ZCCHC14: variants seen among roughly 807,000 people sequenced by gnomAD.
ZCCHC14 encodes zinc finger CCHC domain-containing protein 14.
A neutral mutation model predicts 85.0 loss-of-function variants in ZCCHC14; 16 were observed. That is an observed-to-expected ratio of 0.19 (90% CI 0.13 to 0.29). The LOEUF (loss-of-function observed/expected upper bound fraction) is 0.29, where lower values mean the gene tolerates loss of function less well. Among genes scored for constraint, ZCCHC14 ranks in the 10% least tolerant of loss-of-function variants. The probability of loss-of-function intolerance (pLI) is 1.00; values close to 1 mark genes in which losing one functional copy is unlikely to be tolerated. For synonymous variants in ZCCHC14, 775 were observed against 630.7 expected, an observed-to-expected ratio of 1.23 and a Z score of -3.43; for missense variants, 1,303 against 1,443.5, an observed-to-expected ratio of 0.90 and a Z score of 1.58.
At chr16:87,463,287 T>C (rs1265404806) in intron 1 of ZCCHC14, among the ~76,000 whole-genome samples, 2 of 151,454 alleles carry the variant, frequency 1.3e-5, no homozygotes, top group African/African-American at 2.4e-5. Context: ...GAGGCTAAGG[T>C]GGGAGCATCG....
intron 8 of ZCCHC14, among the ~76,000 whole-genome samples, chr16:87,416,992 A>C (rs1450562634): frequency 6.6e-6 from 1 of 152,236 alleles, no homozygotes; most frequent in African/African-American, 2.4e-5. Context: ...TCAAGACTTA[A>C]GAAATTTCTG....
At position 87,420,348 on chromosome 16, in the gene ZCCHC14, T is replaced by C. The variant is rs765047381; in HGVS notation, c.950+259A>G. Among the ~76,000 whole-genome samples, 1 of 152,220 alleles carries C rather than the reference T, an allele frequency of 6.6e-6. No individual in the cohort carries two copies. Among genetic ancestry groups the C allele is most frequent in the Admixed American group, 6.5e-5 (1 of 15,290 alleles). On this transcript the variant is annotated intron_variant, in intron 5 of 12. Transcript: ENST00000671377. The surrounding 1 kb of genome is among the most constrained non-coding windows in gnomAD (Gnocchi z 5.0). ...GGATGGAAACAGCAGCCCAGGATTA[T>C]TTCACAGGACTGCCAAAGCCCAAGA... is the stretch of plus-strand genomic sequence containing the variant.
intron 7 of ZCCHC14, 135 bp from the exon 8 acceptor site, chr16:87,417,877 G>T: frequency 9.2e-7 from 1 of 1,088,810 alleles, no homozygotes; most frequent in Non-Finnish European, 1.3e-6. Context: ...AGGCCACCCT[G>T]AACTGCCAAC....
rs1312358899 is a variant in ZCCHC14 at position 87,411,985 on chromosome 16, G to C, written c.2736C>G (p.Pro912=). Residue 912 remains proline (P), a synonymous_variant, in exon 12 of 13, where the codon CCC becomes CCG. Coordinates refer to ENST00000671377, the MANE Select transcript of ZCCHC14 (RefSeq NM_015144.3). ...CTGGCGGGGGTGGGGCGGGCTGCGG[G>C]GGTGCCGGGGGCTGCTGATGGTGGT... is the stretch of plus-strand genomic sequence containing the variant. ...HHHHHQQPPA[P]PQPAPPPPGC... 4.7e-5 allele frequency: 76 copies of C among 1,608,464 alleles called. No homozygotes were observed. Among genetic ancestry groups the C allele is most frequent in the Non-Finnish European group, 6.1e-5 (72 of 1,179,162 alleles).
At chr16:87,481,072 G>A (rs1209267069) in intron 1 of ZCCHC14, among the ~76,000 whole-genome samples, 3 of 152,158 alleles carry the variant, frequency 2.0e-5, no homozygotes, top group African/African-American at 7.2e-5. Context: ...TGATGTCAGA[G>A]GCTAAGAGGG....
At chr16:87,467,606 A>G in intron 1 of ZCCHC14, 3 of 1,268,238 alleles carry the variant, frequency 2.4e-6, no homozygotes, top group Non-Finnish European at 3.5e-6. Context: ...AAGGATCTGG[A>G]GATGACAACT....
At chr16:87,460,878 C>G (rs1877496834) in intron 1 of ZCCHC14, among the ~76,000 whole-genome samples, 1 of 152,182 alleles carries the variant, frequency 6.6e-6, no homozygotes, top group Admixed American at 6.5e-5. Flanking sequence ...CAGCAAAGAA[C>G]AGAATACAAC....
intron 1 of ZCCHC14, among the ~76,000 whole-genome samples, chr16:87,475,566 A>AC (rs999489502): frequency 6.6e-6 from 1 of 151,388 alleles, no homozygotes; most frequent in Non-Finnish European, 1.5e-5. Context: ...AAAAAAAAAA[A>AC]AAAAAAAAAG....
At chr16:87,479,973 G>A (rs538093926) in intron 1 of ZCCHC14, among the ~76,000 whole-genome samples, 222 of 151,468 alleles carry the variant, frequency 1.5e-3, no homozygotes, top group African/African-American at 5.2e-3. Context: ...ATGGGGTTTC[G>A]CCATGTTGCC....
chr16:87,423,787 A>T (rs924856406), intron 4 of ZCCHC14, 23 bp downstream of exon 4: 2 of 1,611,424 alleles, frequency 1.2e-6, no homozygotes, highest in Non-Finnish European at 8.5e-7. Context: ...TTTAATTTTT[A>T]TAAGAGCCCT....
At chr16:87,445,823 A>T (rs1226377066) in intron 2 of ZCCHC14, among the ~76,000 whole-genome samples, 1 of 152,220 alleles carries the variant, frequency 6.6e-6, no homozygotes, top group East Asian at 1.9e-4. Context: ...AAATTTTAAA[A>T]TAAAGCAAAT....
intron 1 of ZCCHC14, among the ~76,000 whole-genome samples, chr16:87,485,118 C>T (rs1274250770): frequency 2.0e-5 from 3 of 152,192 alleles, no homozygotes; most frequent in African/African-American, 7.2e-5. Context: ...GCGGGGTCCA[C>T]AGTGCCCCTC....
chr16:87,448,833 C>T (rs888518376), intron 2 of ZCCHC14, among the ~76,000 whole-genome samples: 1 of 152,206 alleles, frequency 6.6e-6, no homozygotes, highest in Non-Finnish European at 1.5e-5. Flanking sequence ...AGTCTGAATT[C>T]TCTGCCACAG....
chr16:87,417,580 G>A lies in ZCCHC14; in HGVS notation c.1263C>T (p.Ile421=), dbSNP rs759399377. 2 of 1,614,162 alleles carry A rather than the reference G, an allele frequency of 1.2e-6. No homozygotes were observed. Among genetic ancestry groups the A allele is most frequent in the Admixed American group, 1.7e-5 (1 of 60,018 alleles). ...YRTQMDTSPA[I]LMPSSLQTPQ... ...GGGTCTGCAGACTGGAAGGCATGAG[G>A]ATGGCAGGTGATGTGTCCATCTGGG... The change falls in exon 8 of 13, where the codon ATC becomes ATT. Residue 421 remains isoleucine (I), a synonymous_variant. Coordinates refer to ENST00000671377, the MANE Select transcript of ZCCHC14 (RefSeq NM_015144.3).
chr16:87,436,958 C>T (rs1384364502), intron 2 of ZCCHC14, among the ~76,000 whole-genome samples: 2 of 152,160 alleles, frequency 1.3e-5, no homozygotes, highest in Non-Finnish European at 2.9e-5. Flanking sequence ...TCATTACAAC[C>T]CACTTCCAGT....
At chr16:87,450,615 G>T (rs1910651985) in intron 2 of ZCCHC14, among the ~76,000 whole-genome samples, 1 of 145,706 alleles carries the variant, frequency 6.9e-6, no homozygotes, top group Admixed American at 7.0e-5. Flanking sequence ...CTGTTGCCCA[G>T]ACTGGAGTGT....
rs111506272 is a variant in ZCCHC14 at position 87,484,689 on chromosome 16, G to T, written c.570+6980C>A. 5.6e-3 allele frequency among the ~76,000 whole-genome samples: 850 copies of T among 152,342 alleles called. 5 individuals are homozygous for T. The highest frequency in any genetic ancestry group is 0.019 in the African/African-American group (807 of 41,576). On this transcript the variant is annotated intron_variant, in intron 1 of 12. Transcript: ENST00000671377. ...CCTTTTCTGCTAGCTGCTCAGGGAG[G>T]CCTCAGTGGTGAAGCGACTAAGAGA...
At chr16:87,478,783 T>G (rs1337805256) in intron 1 of ZCCHC14, among the ~76,000 whole-genome samples, 1 of 151,924 alleles carries the variant, frequency 6.6e-6, no homozygotes, top group Admixed American at 6.6e-5. Flanking sequence ...ATTTTTGTAT[T>G]TTTAGTAGAG....
At chr16:87,464,566 T>G (rs780894146) in intron 1 of ZCCHC14, among the ~76,000 whole-genome samples, 26 of 152,164 alleles carry the variant, frequency 1.7e-4, no homozygotes, top group Non-Finnish European at 2.2e-4. Flanking sequence ...GGAAAGCCCG[T>G]GAGCCACCCT....
Sources: gnomAD v4.1 joint callset for allele counts (sites outside exome capture counted in the v4.1 genomes callset) on GRCh38, gnomAD v4.1.1 for gene constraint, Gnocchi (gnomAD v3.1) non-coding constraint, MANE v1.5 for transcripts, NCBI Gene and HGNC (gene_info 2026-07-23, HGNC 2026-07-21) for gene names.